The following NALF1 variants were observed in gnomAD, a reference collection of about 807,000 sequenced individuals.
NALF1 encodes the protein family with sequence similarity 155 member A.
NALF1 carries 3 observed loss-of-function variants against 48.4 expected under a neutral mutation model. The observed-to-expected ratio is 0.06, with a 90% CI of 0.03 to 0.16. The LOEUF is 0.16. Among genes scored for constraint, NALF1 ranks in the 10% least tolerant of loss-of-function variants. The probability of loss-of-function intolerance (pLI) is 1.00; values close to 1 mark genes in which losing one functional copy is unlikely to be tolerated. For missense variants in NALF1, 526 were observed against 571.5 expected, an observed-to-expected ratio of 0.92 and a Z score of 0.81; for synonymous variants, 262 against 245.7, an observed-to-expected ratio of 1.07 and a Z score of -0.62.
At chr13:107,827,680 T>C (rs889732898) in intron 1 of NALF1, among the ~76,000 whole-genome samples, 4 of 152,212 alleles carry the variant, frequency 2.6e-5, no homozygotes, top group African/African-American at 4.8e-5. Flanking sequence ...TTAATATAGA[T>C]ATAATCTTTG....
Position 107,866,029 on chromosome 13 carries a change from C to G in NALF1, c.568G>C (p.Val190Leu), listed in dbSNP as rs371562781. Residue 190 changes from valine to leucine, a missense_variant, in exon 1 of 3, where the codon GTG becomes CTG. Around this residue, in one of 2 missense-constraint regions of NALF1, gnomAD observed 373 missense variants for 355.5 expected, o/e 1.05. Coordinates refer to ENST00000375915, the MANE Select transcript of NALF1 (RefSeq NM_001080396.3). The surrounding 1 kb of genome is among the most constrained non-coding windows in gnomAD (Gnocchi z 4.4). ...QCFTVENADAVCARNWSRGAA... is the reference protein window; with the variant it reads ...QCFTVENADALCARNWSRGAA... The stretch of plus-strand genomic sequence containing the variant: ...CCCCGACTCCAGTTCCTGGCGCACA[C>G]CGCGTCCGCATTCTCCACCGTGAAG... 12 of 1,612,040 alleles carry G rather than the reference C, an allele frequency of 7.4e-6. No individual in the cohort carries two copies. The highest frequency in any genetic ancestry group is 1.0e-5 in the Non-Finnish European group (12 of 1,179,902).
chr13:107,800,901 T>C (rs747494908), intron 1 of NALF1, among the ~76,000 whole-genome samples: 20 of 151,832 alleles, frequency 1.3e-4, no homozygotes, highest in Non-Finnish European at 2.8e-4. Context: ...CTATAGATAA[T>C]TGAGACAAAG....
intron 2 of NALF1, among the ~76,000 whole-genome samples, chr13:107,204,296 C>T (rs542024729): frequency 8.5e-5 from 13 of 152,354 alleles, no homozygotes; most frequent in Middle Eastern, 3.4e-3. Flanking sequence ...CCTGCCGCTC[C>T]GCAAGCACCA....
chr13:107,844,259 AT>A (rs1372768180), intron 1 of NALF1, among the ~76,000 whole-genome samples: 6 of 152,164 alleles, frequency 3.9e-5, no homozygotes, highest in African/African-American at 1.4e-4. Context: ...ATCTAAAAAA[AT>A]CAAACTATAC....
intron 1 of NALF1, among the ~76,000 whole-genome samples, chr13:107,534,491 G>A (rs1313451477): frequency 6.6e-6 from 1 of 152,102 alleles, no homozygotes; most frequent in African/African-American, 2.4e-5. Context: ...ATTAAGTTCA[G>A]GTGTACATAT....
At chr13:107,779,879 G>A (rs1197525740) in intron 1 of NALF1, among the ~76,000 whole-genome samples, 1 of 152,090 alleles carries the variant, frequency 6.6e-6, no homozygotes, top group Non-Finnish European at 1.5e-5. Context: ...TTGGAACCCT[G>A]AACTTGGACA....
chr13:107,278,002 G>C (rs1161016631), intron 1 of NALF1, among the ~76,000 whole-genome samples: 1 of 152,084 alleles, frequency 6.6e-6, no homozygotes, highest in Non-Finnish European at 1.5e-5. Flanking sequence ...AAAAATACTC[G>C]TCAGAAGCCA....
At chr13:107,579,886 T>C (rs1010833165) in intron 1 of NALF1, among the ~76,000 whole-genome samples, 1 of 152,032 alleles carries the variant, frequency 6.6e-6, no homozygotes, top group Non-Finnish European at 1.5e-5. Context: ...GAAGTCAGTG[T>C]GGCGATTCCT....
intron 1 of NALF1, among the ~76,000 whole-genome samples, chr13:107,268,767 C>G (rs1881094983): frequency 6.6e-6 from 1 of 151,988 alleles, no homozygotes; most frequent in Non-Finnish European, 1.5e-5. Context: ...GGACGGTATT[C>G]CAGTCAAAAG....
At chr13:107,386,510 G>A (rs1310891803) in intron 1 of NALF1, among the ~76,000 whole-genome samples, 1 of 152,106 alleles carries the variant, frequency 6.6e-6, no homozygotes, top group African/African-American at 2.4e-5. Context: ...CCTGTTCTGG[G>A]AAGAGTCTTC....
At chr13:107,680,549 GGT>G (rs1881266558) in intron 1 of NALF1, among the ~76,000 whole-genome samples, 1 of 151,684 alleles carries the variant, frequency 6.6e-6, no homozygotes, top group Non-Finnish European at 1.5e-5. Flanking sequence ...GATGGTGTGT[GGT>G]GTGTGAGAAT....
chr13:107,510,010 T>C (rs745486158), intron 1 of NALF1, among the ~76,000 whole-genome samples: 3 of 152,104 alleles, frequency 2.0e-5, no homozygotes, highest in Non-Finnish European at 4.4e-5. Flanking sequence ...GAGGTTGCTA[T>C]GTTGCCCAGG....
chr13:107,814,917 T>C (rs1594286954), intron 1 of NALF1, among the ~76,000 whole-genome samples: 1 of 152,192 alleles, frequency 6.6e-6, no homozygotes, highest in African/African-American at 2.4e-5. Context: ...GGATACATCA[T>C]GTCTTGTGGC....
chr13:107,201,596 GA>G (rs958761582), intron 2 of NALF1, among the ~76,000 whole-genome samples: 9 of 150,886 alleles, frequency 6.0e-5, no homozygotes, highest in East Asian at 3.9e-4. Flanking sequence ...AAAAAAGAAA[GA>G]AAAAAAAATG....
At chr13:107,629,367 G>C (rs1424677347) in intron 1 of NALF1, among the ~76,000 whole-genome samples, 1 of 152,116 alleles carries the variant, frequency 6.6e-6, no homozygotes, top group East Asian at 1.9e-4. Flanking sequence ...TACCTATAAA[G>C]AATGTATCAT....
intron 1 of NALF1, among the ~76,000 whole-genome samples, chr13:107,324,948 C>T (rs953513458): frequency 6.6e-6 from 1 of 152,142 alleles, no homozygotes; most frequent in Non-Finnish European, 1.5e-5. Flanking sequence ...CTTTAGCCTT[C>T]TGAAATGATT....
chr13:107,216,585 G>A (rs772315692), intron 1 of NALF1, among the ~76,000 whole-genome samples: 3 of 152,136 alleles, frequency 2.0e-5, no homozygotes, highest in African/African-American at 4.8e-5. Flanking sequence ...GAAGTAAAAC[G>A]CAAATGTCTT....
chr13:107,315,009 C>A (rs1419601367), intron 1 of NALF1, among the ~76,000 whole-genome samples: 2 of 152,122 alleles, frequency 1.3e-5, no homozygotes, highest in Admixed American at 1.3e-4. Flanking sequence ...GGGGGTTACC[C>A]TGTGGATTCT....
chr13:107,747,183 T>C (rs1661322937), intron 1 of NALF1, among the ~76,000 whole-genome samples: 1 of 152,236 alleles, frequency 6.6e-6, no homozygotes. Context: ...AACATGGCTA[T>C]AATTTCCATC....
Sources: gnomAD v4.1 joint callset for allele counts (sites outside exome capture counted in the v4.1 genomes callset) on GRCh38, gnomAD v4.1.1 for gene constraint, gnomAD v4.1.1 regional missense constraint, Gnocchi (gnomAD v3.1) non-coding constraint, MANE v1.5 for transcripts, NCBI Gene and HGNC (gene_info 2026-07-23, HGNC 2026-07-21) for gene names.